The following ITGA11 variants were observed in gnomAD, a reference collection of about 807,000 sequenced individuals.
ITGA11 encodes the protein integrin alpha-11.
In ITGA11, 97 loss-of-function variants were observed where a neutral mutation model predicts 141.9. The observed-to-expected ratio is 0.68, with a 90% CI of 0.58 to 0.81. The LOEUF (loss-of-function observed/expected upper bound fraction) is 0.81, where lower values mean the gene tolerates loss of function less well. ITGA11 is among the 30% of genes least tolerant of loss of function. The pLI is 0.00. For synonymous variants in ITGA11, 658 were observed against 624.6 expected, an observed-to-expected ratio of 1.05 and a Z score of -0.80; for missense variants, 1,387 against 1,559.2, an observed-to-expected ratio of 0.89 and a Z score of 1.86.
intron 10 of ITGA11, among the ~76,000 whole-genome samples, chr15:68,341,175 A>G (rs1894557748): frequency 6.6e-6 from 1 of 152,164 alleles, no homozygotes. Flanking sequence ...GGGAGAGTCA[A>G]TGTGCTTGGT....
chr15:68,358,631 G>C, intron 5 of ITGA11, 46 bp from the exon 6 acceptor site: 1 of 1,570,234 alleles, frequency 6.4e-7, no homozygotes, highest in South Asian at 1.2e-5. Context: ...AGCAGTGTCT[G>C]CGAGTCTCTG....
At chr15:68,351,451 G>A (rs755444706) in intron 7 of ITGA11, 49 bp from the exon 8 acceptor site, 140 of 1,598,402 alleles carry the variant, frequency 8.8e-5, no homozygotes, top group Non-Finnish European at 1.1e-4. Flanking sequence ...GTGGGATTGG[G>A]GCAGCCCCTG....
Position 68,311,400 on chromosome 15 carries a change from G to A in ITGA11, c.2977C>T (p.Gln993Ter). ...GPPFSCIFRIQNLGLFPIHGM... is the reference protein window; with the variant it reads ...GPPFSCIFRI The stretch of plus-strand genomic sequence containing the variant: ...TGGATGGGGAACAAGCCCAAGTTCT[G>A]GATCTGTGGCCAGAGACAGGGAGGT... The change falls in exon 25 of 30, where the codon CAG becomes TAG. Residue 993 changes from glutamine to a stop codon, truncating the protein, a stop_gained. Coordinates refer to ENST00000315757, the MANE Select transcript of ITGA11 (RefSeq NM_001004439.2). LOFTEE classifies it high-confidence loss of function. 6.4e-7 allele frequency: 1 copy of A among 1,557,100 alleles called. No homozygotes were observed. The highest frequency in any genetic ancestry group is 1.8e-4 in the Middle Eastern group (1 of 5,692).
intron 11 of ITGA11, among the ~76,000 whole-genome samples, chr15:68,336,569 C>A (rs2140310759): frequency 6.6e-6 from 1 of 152,288 alleles, no homozygotes; most frequent in South Asian, 2.1e-4. Flanking sequence ...AGTCGCCCAC[C>A]CAGTACCCAG....
rs1049395865 is a variant in ITGA11 at position 68,397,812 on chromosome 15, AT to A, written c.164+5105del. Among the ~76,000 whole-genome samples the A allele has an allele frequency of 1.7e-3, 96 of 54,874 alleles. 8 individuals carry two copies. Among genetic ancestry groups the A allele is most frequent in the African/African-American group, 8.9e-3 (94 of 10,614 alleles). The allele number at this position is 54,874 out of a possible 152,430, so 36.0% of individuals were successfully genotyped here. ...ATAATATAAAATTATTAATAATAAT[AT>A]TATATATTATTATATAAATATTATT... On this transcript the variant is annotated intron_variant, in intron 2 of 29. Transcript: ENST00000315757.
chr15:68,316,947 T>C (rs1893600341), intron 21 of ITGA11, among the ~76,000 whole-genome samples: 1 of 152,184 alleles, frequency 6.6e-6, no homozygotes. Context: ...CACAGCACAG[T>C]GGCAGAGGCC....
In ITGA11 at chr15:68,307,300, C is replaced by A. The variant is rs554898530; in HGVS notation, c.3381+48G>T. The A allele has an allele frequency of 4.4e-6, 6 of 1,378,110 alleles. No individual in the cohort carries two copies. The East Asian group carries it at 1.5e-4, about 34-fold the overall frequency. The allele number at this position is 1,378,110 out of a possible 1,614,324, so 85.4% of individuals were successfully genotyped here. On this transcript the variant is annotated intron_variant, in intron 28 of 29. Transcript: ENST00000315757. The surrounding 1 kb of genome is among the most constrained non-coding windows in gnomAD (Gnocchi z 6.1). ...TAGAGGAGCACGGCCAACCCTTTCC[C>A]AAGCTGTCCGGCCTAAGCCCAGTTC...
Position 68,321,548 on chromosome 15 carries a change from C to T in ITGA11, c.2323-45G>A, listed in dbSNP as rs1024769823. The T allele has an allele frequency of 1.1e-5, 15 of 1,334,572 alleles. No individual in the cohort carries two copies. The highest frequency in any genetic ancestry group is 1.5e-5 in the Non-Finnish European group (14 of 958,766). The allele number at this position is 1,334,572 out of a possible 1,614,324, so 82.7% of individuals were successfully genotyped here. A position where few individuals can be genotyped will look rare whatever the true frequency, so the allele number is the denominator to read the frequency against. On this transcript the variant is annotated intron_variant, in intron 18 of 29. Coordinates refer to ENST00000315757, the MANE Select transcript of ITGA11 (RefSeq NM_001004439.2). The surrounding 1 kb of genome is among the most constrained non-coding windows in gnomAD (Gnocchi z 4.9). ...GTGTGGGCAGCTGGGTAGGGACCCG[C>T]AGCCCCTCGCCCTCAATGTACACCA...
chr15:68,402,383 G>C (rs1896533240), intron 2 of ITGA11, among the ~76,000 whole-genome samples: 1 of 152,150 alleles, frequency 6.6e-6, no homozygotes, highest in Non-Finnish European at 1.5e-5. Context: ...GAGTGAGTTA[G>C]ATGATAAAAT....
chr15:68,325,637 G>A lies in ITGA11; in HGVS notation c.2212-396C>T, dbSNP rs1893951505. On this transcript the variant is annotated intron_variant, in intron 17 of 29. Transcript: ENST00000315757. The surrounding 1 kb of genome is among the most constrained non-coding windows in gnomAD (Gnocchi z 5.5). ...CATGTAGCATTTGAACCATATGACT[G>A]TGTGTCACTCTTCCTTCCCAAGCAA... Among the ~76,000 whole-genome samples, 1 of 152,178 alleles carries A rather than the reference G, an allele frequency of 6.6e-6. No individual in the cohort carries two copies. Among genetic ancestry groups the A allele is most frequent in the Non-Finnish European group, 1.5e-5 (1 of 68,038 alleles).
At chr15:68,415,671 G>A (rs1255232922) in intron 1 of ITGA11, among the ~76,000 whole-genome samples, 1 of 152,184 alleles carries the variant, frequency 6.6e-6, no homozygotes, top group African/African-American at 2.4e-5. Flanking sequence ...GGGAGGAGGA[G>A]CCCTAGATAG....
At position 68,350,607 on chromosome 15, in the gene ITGA11, C is replaced by A; in HGVS notation, c.1060+10G>T. 1 of 1,610,850 alleles carries A rather than the reference C, an allele frequency of 6.2e-7. No individual in the cohort carries two copies. Among genetic ancestry groups the A allele is most frequent in the Middle Eastern group, 1.7e-4 (1 of 5,918 alleles). On this transcript the variant is annotated intron_variant, in intron 9 of 29. Transcript: ENST00000315757. ...AGAGAGTGGATCCCCTCTTAGCATG[C>A]ATTGCTTACCTTCCAGGCTGAAGAT...
intron 2 of ITGA11, among the ~76,000 whole-genome samples, chr15:68,376,361 A>T (rs1403322212): frequency 1.3e-5 from 2 of 151,996 alleles, no homozygotes; most frequent in African/African-American, 4.8e-5. Context: ...TCTCTCACCA[A>T]CTTGCCTTGT....
At chr15:68,360,018 C>A (rs921675390) in intron 5 of ITGA11, among the ~76,000 whole-genome samples, 3 of 152,024 alleles carry the variant, frequency 2.0e-5, no homozygotes, top group African/African-American at 7.3e-5. Context: ...TGAGTTGGGA[C>A]GCCTGTTGCA....
chr15:68,352,349 C>T (rs542653953), intron 7 of ITGA11, among the ~76,000 whole-genome samples: 75 of 151,992 alleles, frequency 4.9e-4, no homozygotes, highest in African/African-American at 1.6e-3. Context: ...TCTGCCACCA[C>T]GCTTGGTTAA....
intron 2 of ITGA11, among the ~76,000 whole-genome samples, chr15:68,386,875 A>T (rs903170933): frequency 6.6e-6 from 1 of 152,100 alleles, no homozygotes; most frequent in African/African-American, 2.4e-5. Context: ...GGCTGATGAG[A>T]CTAAAGACAC....
intron 9 of ITGA11, among the ~76,000 whole-genome samples, chr15:68,349,475 G>A (rs1392336987): frequency 6.6e-6 from 1 of 152,168 alleles, no homozygotes; most frequent in Non-Finnish European, 1.5e-5. Flanking sequence ...CACTCAAGGC[G>A]ACCATTTTGA....
At chr15:68,365,156 T>G (rs1261627657) in intron 3 of ITGA11, 1 of 985,282 alleles carries the variant, frequency 1.0e-6, no homozygotes, top group Non-Finnish European at 1.2e-6. Flanking sequence ...CTGGGCTGGC[T>G]TCCTTTGTGC....
chr15:68,398,715 A>G (rs1193017241), intron 2 of ITGA11, among the ~76,000 whole-genome samples: 1 of 147,830 alleles, frequency 6.8e-6, no homozygotes, highest in Non-Finnish European at 1.5e-5. Flanking sequence ...CATTAAATAT[A>G]TATTTATTAT....
Sources: gnomAD v4.1 joint callset for allele counts (sites outside exome capture counted in the v4.1 genomes callset) on GRCh38, gnomAD v4.1.1 for gene constraint, Gnocchi (gnomAD v3.1) non-coding constraint, MANE v1.5 for transcripts, NCBI Gene and HGNC (gene_info 2026-07-23, HGNC 2026-07-21) for gene names.